The following CSMD2 variants were observed in gnomAD, a reference collection of about 807,000 sequenced individuals.
CSMD2 encodes the protein CUB and Sushi multiple domains 2.
CSMD2 carries 130 observed loss-of-function variants against 398.5 expected under a neutral mutation model. The observed-to-expected ratio is 0.33, with a 90% confidence interval of 0.28 to 0.38. The LOEUF is 0.38. Ranked by LOEUF, CSMD2 falls within the 10% of genes least tolerant of loss-of-function variation. CSMD2 has a pLI of 1.00. For missense variants in CSMD2, 3,829 were observed against 4,764.9 expected, an observed-to-expected ratio of 0.80 and a Z score of 5.78; for synonymous variants, 1,828 against 1,908.5, an observed-to-expected ratio of 0.96 and a Z score of 1.10.
intron 25 of CSMD2, among the ~76,000 whole-genome samples, chr1:33,684,292 T>G (rs1464249030): frequency 6.6e-6 from 1 of 152,184 alleles, no homozygotes; most frequent in Non-Finnish European, 1.5e-5. Flanking sequence ...TGTGTGTTAA[T>G]CATTAAGAAG....
chr1:34,041,468 T>C (rs1258030034), intron 2 of CSMD2, among the ~76,000 whole-genome samples: 1 of 152,224 alleles, frequency 6.6e-6, no homozygotes, highest in Non-Finnish European at 1.5e-5. Flanking sequence ...ATGACATTTC[T>C]TCCACCCAAG....
At chr1:33,538,890 C>A (rs898335360) in intron 60 of CSMD2, among the ~76,000 whole-genome samples, 2 of 152,162 alleles carry the variant, frequency 1.3e-5, no homozygotes, top group Non-Finnish European at 2.9e-5. Context: ...GACAGTTTGA[C>A]AACATATGTC....
chr1:33,897,024 AG>A (rs1249707776), intron 5 of CSMD2, among the ~76,000 whole-genome samples: 1 of 151,956 alleles, frequency 6.6e-6, no homozygotes, highest in Non-Finnish European at 1.5e-5. Context: ...GCAGGGTTAC[AG>A]GGGGCAAGCC....
chr1:33,633,345 T>C lies in CSMD2; in HGVS notation c.5200+77A>G. On this transcript the variant is annotated intron_variant, in intron 32 of 70. Coordinates refer to ENST00000373381, the MANE Select transcript of CSMD2 (RefSeq NM_001281956.2). The surrounding 1 kb of genome is among the most constrained non-coding windows in gnomAD (Gnocchi z 5.0). ...GTTCCACCTGCGGCCATGGGGTGCT[T>C]CTAGAGCCTCCTTCCTTTAGCCGGA... is the stretch of plus-strand genomic sequence containing the variant. The C allele has an allele frequency of 1.8e-6, 2 of 1,124,116 alleles. No homozygotes were observed. Among genetic ancestry groups the C allele is most frequent in the South Asian group, 2.7e-5 (2 of 74,418 alleles). 69.6% of individuals were successfully genotyped at this position (1,124,116 alleles called of 1,614,324 possible).
At chr1:33,756,017 C>G (rs1350586177) in intron 13 of CSMD2, among the ~76,000 whole-genome samples, 1 of 152,148 alleles carries the variant, frequency 6.6e-6, no homozygotes, top group African/African-American at 2.4e-5. Flanking sequence ...AGCTAGCCCT[C>G]TCTCATTCCT....
intron 6 of CSMD2, among the ~76,000 whole-genome samples, chr1:33,827,873 C>T (rs1188917307): frequency 1.3e-5 from 2 of 152,200 alleles, no homozygotes; most frequent in Admixed American, 1.3e-4. Context: ...AAAGCAATCT[C>T]AGGGAAACTG....
chr1:33,609,700 T>C (rs1439366840), intron 41 of CSMD2, among the ~76,000 whole-genome samples: 1 of 152,322 alleles, frequency 6.6e-6, no homozygotes, highest in Non-Finnish European at 1.5e-5. Context: ...ATTGGAAAAC[T>C]ATAGTACGAT....
At chr1:33,795,477 T>A (rs1557906864) in intron 10 of CSMD2, among the ~76,000 whole-genome samples, 1 of 152,190 alleles carries the variant, frequency 6.6e-6, no homozygotes, top group Non-Finnish European at 1.5e-5. Flanking sequence ...CCCTGCTGAC[T>A]GCCCTCCACT....
At chr1:34,102,190 C>T (rs955458641) in intron 1 of CSMD2, among the ~76,000 whole-genome samples, 1 of 152,044 alleles carries the variant, frequency 6.6e-6, no homozygotes, top group African/African-American at 2.4e-5. Flanking sequence ...GCCACCACGC[C>T]CGGCTAATTT....
intron 1 of CSMD2, among the ~76,000 whole-genome samples, chr1:34,151,849 T>C (rs1640356985): frequency 8.1e-6 from 1 of 122,996 alleles, no homozygotes; most frequent in Non-Finnish European, 1.6e-5. Flanking sequence ...TTCAGTCACA[T>C]TTTTAAGAGA....
Position 33,584,665 on chromosome 1 carries a change from C to CAA in CSMD2, c.7052-837_7052-836dup, listed in dbSNP as rs11421041. 3.6e-4 allele frequency among the ~76,000 whole-genome samples: 54 copies of CAA among 148,314 alleles called. No homozygotes were observed. The East Asian group carries it at 5.7e-3, about 16-fold the overall frequency. On this transcript the variant is annotated intron_variant, in intron 46 of 70. Coordinates refer to ENST00000373381, the MANE Select transcript of CSMD2 (RefSeq NM_001281956.2). The stretch of plus-strand genomic sequence containing the variant: ...CTGGCGACAGAGTGAGACTCCATCT[C>CAA]AAAAAAAATATATCTATATACATAT...
intron 9 of CSMD2, among the ~76,000 whole-genome samples, chr1:33,811,168 CA>C (rs1656827825): frequency 1.3e-5 from 2 of 152,158 alleles, no homozygotes; most frequent in Non-Finnish European, 2.9e-5. Context: ...TCCTCTTTGT[CA>C]AGAGGGTGTG....
Position 33,759,771 on chromosome 1 carries a change from T to C in CSMD2, c.1846+12798A>G, listed in dbSNP as rs545016728. 9.2e-5 allele frequency among the ~76,000 whole-genome samples: 14 copies of C among 152,338 alleles called. No individual in the cohort carries two copies. The South Asian group carries it at 2.9e-3, about 32-fold the overall frequency. On this transcript the variant is annotated intron_variant, in intron 13 of 70. Transcript: ENST00000373381. The stretch of plus-strand genomic sequence containing the variant: ...AATTCCTTTCTTGGCATGAGGTCTT[T>C]GGCATGTTAGGGTACCCACGTAACA...
rs1223416809 is a variant in CSMD2 at position 33,518,017 on chromosome 1, T to C, written c.*54-1447A>G. Reference sequence around the variant, plus strand: ...GGAGAATCTGCCACGTGAGCGGCCATGCACAGGAGCGTGGGGAGGGAGCGC... The same window carrying C: ...GGAGAATCTGCCACGTGAGCGGCCACGCACAGGAGCGTGGGGAGGGAGCGC... On this transcript the variant is annotated intron_variant, in intron 70 of 70. Coordinates refer to ENST00000373381, the MANE Select transcript of CSMD2 (RefSeq NM_001281956.2). This position sits in a 1 kb window ranked among gnomAD's most constrained non-coding sequence, Gnocchi z 4.3. Among the ~76,000 whole-genome samples, 2 of 152,240 alleles carry C rather than the reference T, an allele frequency of 1.3e-5. No homozygotes were observed. The highest frequency in any genetic ancestry group is 1.9e-4 in the East Asian group (1 of 5,204).
chr1:33,519,504 G>GTAT lies in CSMD2; in HGVS notation c.*13_*14insATA. ...GGGGCTCTCGGTGGCGGTGGTGGCG[G>GTAT]CCAGGCCGGGTGGCTATACTGCTGT... is the stretch of plus-strand genomic sequence containing the variant. On this transcript the variant is annotated 3_prime_UTR_variant, in exon 70 of 71. Transcript: ENST00000373381. This position sits in a 1 kb window ranked among gnomAD's most constrained non-coding sequence, Gnocchi z 5.6. The GTAT allele has an allele frequency of 6.2e-7, 1 of 1,602,696 alleles. No homozygotes were observed. The highest frequency in any genetic ancestry group is 8.5e-7 in the Non-Finnish European group (1 of 1,174,762).
chr1:34,032,558 T>C (rs765630890), intron 3 of CSMD2, 36 bp downstream of exon 3: 1 of 1,377,112 alleles, frequency 7.3e-7, no homozygotes, highest in Non-Finnish European at 1.0e-6. Context: ...GGACATCACA[T>C]CTCCGGCTCC....
chr1:33,922,059 G>A lies in CSMD2; in HGVS notation c.713-3758C>T, dbSNP rs1051117372. ...TGAAGGAGAGAGCAGAGACAGGGAC[G>A]CTAGAGGAGACGCAGCTCTGCAGGA... is the stretch of plus-strand genomic sequence containing the variant. On this transcript the variant is annotated intron_variant, in intron 4 of 70. Coordinates refer to ENST00000373381, the MANE Select transcript of CSMD2 (RefSeq NM_001281956.2). 5.9e-5 allele frequency among the ~76,000 whole-genome samples: 9 copies of A among 152,094 alleles called. No homozygotes were observed. In the South Asian group the frequency reaches 8.3e-4, roughly 14 times the overall value.
rs1175154194 is a variant in CSMD2 at position 33,609,504 on chromosome 1, G to A, written c.6343+1537C>T. On this transcript the variant is annotated intron_variant, in intron 41 of 70. Transcript: ENST00000373381. ...ATGTAGCATACATATATCCAGGCCT[G>A]GAAAGGTCACAACTAAACAATAGTA... Among the ~76,000 whole-genome samples, 3 of 152,168 alleles carry A rather than the reference G, an allele frequency of 2.0e-5. No individual in the cohort carries two copies. In the East Asian group the frequency reaches 5.8e-4, roughly 29 times the overall value.
At chr1:33,873,503 T>A (rs1252835641) in intron 5 of CSMD2, 2 of 152,238 alleles carry the variant, frequency 1.3e-5, no homozygotes, top group Non-Finnish European at 2.9e-5. Context: ...TTCTGTCTTA[T>A]CCTCTCTCTC....
Sources: allele counts gnomAD v4.1 joint callset (sites outside exome capture counted in the v4.1 genomes callset), GRCh38; gene constraint gnomAD v4.1.1; non-coding constraint Gnocchi (gnomAD v3.1); transcripts MANE v1.5; gene names NCBI Gene and HGNC (gene_info 2026-07-23, HGNC 2026-07-21).